CXADR: variants seen among roughly 807,000 people sequenced by gnomAD.
CXADR encodes the protein coxsackievirus and adenovirus receptor.
Under a neutral mutation model 40.3 loss-of-function variants are expected in CXADR, and 20 were observed. The ratio of observed to expected loss-of-function variants is 0.50; its 90% CI spans 0.35 to 0.72. The LOEUF is 0.72. Ranked by LOEUF, CXADR falls within the 30% of genes least tolerant of loss-of-function variation. The probability of loss-of-function intolerance (pLI) is 0.01; values close to 1 mark genes in which losing one functional copy is unlikely to be tolerated. For missense variants in CXADR, 332 were observed against 449.1 expected, an observed-to-expected ratio of 0.74 and a Z score of 2.36; for synonymous variants, 150 against 161.3, an observed-to-expected ratio of 0.93 and a Z score of 0.53.
chr21:17,537,745 T>G (rs2060777438), intron 1 of CXADR, among the ~76,000 whole-genome samples: 1 of 152,034 alleles, frequency 6.6e-6, no homozygotes, highest in Non-Finnish European at 1.5e-5. Flanking sequence ...GAATGCCAAG[T>G]GCCCAAAATT....
At chr21:17,554,239 A>G (rs2061005838) in intron 3 of CXADR, among the ~76,000 whole-genome samples, 1 of 151,724 alleles carries the variant, frequency 6.6e-6, no homozygotes, top group Non-Finnish European at 1.5e-5. Context: ...TTCTCAACTG[A>G]AGAGAACATT....
chr21:17,535,247 C>T (rs1284966870), intron 1 of CXADR, among the ~76,000 whole-genome samples: 2 of 152,180 alleles, frequency 1.3e-5, no homozygotes, highest in East Asian at 1.9e-4. Context: ...CCTATTCAGC[C>T]TTCCTAGTAG....
At chr21:17,608,483 A>G in the CXADR span, among the ~76,000 whole-genome samples, 4 of 152,252 alleles carry the variant, frequency 2.6e-5, no homozygotes, top group South Asian at 2.1e-4. Context: ...TTCTACCACA[A>G]ATATATAAAT....
chr21:17,605,008 G>A, the CXADR span: 1 of 1,612,020 alleles, frequency 6.2e-7, no homozygotes, highest in African/African-American at 1.3e-5. Flanking sequence ...CTACAACAAA[G>A]TGGAGTTACG....
At position 17,550,085 on chromosome 21, in the gene CXADR, G is replaced by A. The variant is rs115591224; in HGVS notation, c.211-1664G>A. On this transcript the variant is annotated intron_variant, in intron 2 of 6. Coordinates refer to ENST00000284878, the MANE Select transcript of CXADR (RefSeq NM_001338.5). ...ATAAATAAAAGATCTAGCTGGGCAC[G>A]GTAGCTCATGCCTGTAGTCCCAGCA... is the stretch of plus-strand genomic sequence containing the variant. 5.6e-3 allele frequency among the ~76,000 whole-genome samples: 857 copies of A among 152,240 alleles called. 11 individuals carry two copies. Among genetic ancestry groups the A allele is most frequent in the African/African-American group, 0.02 (814 of 41,548 alleles).
chr21:17,535,659 A>C (rs78804849), intron 1 of CXADR, among the ~76,000 whole-genome samples: 3,779 of 152,258 alleles, frequency 0.025, 167 homozygotes, highest in African/African-American at 0.084. Flanking sequence ...TTAAGGTCAT[A>C]TCCCCTTTCC....
At position 17,565,500 on chromosome 21, in the gene CXADR, G is replaced by A. The variant is rs766074225; in HGVS notation, c.906G>A (p.Leu302=). 1.9e-6 allele frequency: 3 copies of A among 1,613,888 alleles called. No individual in the cohort carries two copies. The South Asian group carries it at 3.3e-5, about 18-fold the overall frequency. ...ACATCGGCAGTAATCATTCATCCCT[G>A]GGGTCCATGTCTCCTTCCAACATGG... The part of the protein sequence containing the change: ...RSYIGSNHSS[L]GSMSPSNMEG... The change falls in exon 7 of 7, where the codon CTG becomes CTA. Residue 302 remains leucine, a synonymous_variant. Transcript: ENST00000284878.
chr21:17,561,558 C>G lies in CXADR; in HGVS notation c.833+82C>G. The G allele has an allele frequency of 1.7e-6, 2 of 1,208,328 alleles. 1 individual carries two copies. Among genetic ancestry groups the G allele is most frequent in the South Asian group, 3.5e-5 (2 of 56,428 alleles). The allele number at this position is 1,208,328 out of a possible 1,614,324, so 74.9% of individuals were successfully genotyped here. A position where few individuals can be genotyped will look rare whatever the true frequency, so the allele number is the denominator to read the frequency against. The stretch of plus-strand genomic sequence containing the variant: ...AAGCATTCGTTCTCTTATTAACCAC[C>G]CAAAGCATCTTTCTTAGGAGAATGG... On this transcript the variant is annotated intron_variant, in intron 6 of 6. Transcript: ENST00000284878.
chr21:17,533,451 A>G (rs1386547365), intron 1 of CXADR, among the ~76,000 whole-genome samples: 1 of 152,188 alleles, frequency 6.6e-6, no homozygotes, highest in Non-Finnish European at 1.5e-5. Flanking sequence ...TTACTGTTGT[A>G]TGATGTTCGT....
At chr21:17,543,054 T>C (rs776585062) in intron 1 of CXADR, 1 of 351,854 alleles carries the variant, frequency 2.8e-6, no homozygotes, top group South Asian at 2.2e-5. Context: ...AATTGAAGGC[T>C]TTAACCATTT....
the CXADR span, among the ~76,000 whole-genome samples, chr21:17,619,319 A>G: frequency 6.6e-6 from 1 of 152,206 alleles, no homozygotes; most frequent in Admixed American, 6.5e-5. Context: ...CAGGAGTTCA[A>G]GACCCACATG....
At chr21:17,622,205 G>A in the CXADR span, among the ~76,000 whole-genome samples, 4 of 152,104 alleles carry the variant, frequency 2.6e-5, no homozygotes, top group Non-Finnish European at 4.4e-5. Flanking sequence ...GGGTGATTAC[G>A]GGTAGGCTTT....
At chr21:17,559,659 T>C (rs1219582185) in intron 4 of CXADR, among the ~76,000 whole-genome samples, 1 of 28,650 alleles carries the variant, frequency 3.5e-5, no homozygotes, top group Non-Finnish European at 7.1e-5. Flanking sequence ...ACTTTGGTAC[T>C]TTTTTTTGGG....
At chr21:17,582,162 C>T (rs1411696198) in intron 7 of CXADR, among the ~76,000 whole-genome samples, 3 of 151,360 alleles carry the variant, frequency 2.0e-5, no homozygotes, top group African/African-American at 4.9e-5. Flanking sequence ...TGGGTCTAGC[C>T]GAACACACCC....
chr21:17,616,820 A>G, the CXADR span, among the ~76,000 whole-genome samples: 1 of 152,358 alleles, frequency 6.6e-6, no homozygotes, highest in East Asian at 1.9e-4. Flanking sequence ...AATTTCCAGA[A>G]CTTAGCCATG....
chr21:17,544,256 G>T (rs1461276676), intron 1 of CXADR, among the ~76,000 whole-genome samples: 1 of 152,102 alleles, frequency 6.6e-6, no homozygotes, highest in African/African-American at 2.4e-5. Context: ...GTGTATTTAG[G>T]TTACACATTT....
intron 1 of CXADR, among the ~76,000 whole-genome samples, chr21:17,538,155 C>T (rs1215131675): frequency 6.6e-6 from 1 of 152,090 alleles, no homozygotes; most frequent in Non-Finnish European, 1.5e-5. Context: ...GCATGTGCCA[C>T]CACGTCCGGC....
At chr21:17,533,603 T>G (rs756767162) in intron 1 of CXADR, among the ~76,000 whole-genome samples, 18 of 152,188 alleles carry the variant, frequency 1.2e-4, no homozygotes, top group Non-Finnish European at 2.5e-4. Flanking sequence ...TTAGTACCTT[T>G]TTCTTGGAGT....
At chr21:17,576,643 G>A (rs983223696) in intron 7 of CXADR, among the ~76,000 whole-genome samples, 1 of 152,152 alleles carries the variant, frequency 6.6e-6, no homozygotes, top group African/African-American at 2.4e-5. Context: ...GCTCTCAAAA[G>A]TATGTCGGAT....
Sources: allele counts gnomAD v4.1 joint callset (sites outside exome capture counted in the v4.1 genomes callset), GRCh38; gene constraint gnomAD v4.1.1; transcripts MANE v1.5; gene names NCBI Gene and HGNC (gene_info 2026-07-23, HGNC 2026-07-21).